USP4: variants seen among roughly 807,000 people sequenced by gnomAD.
The protein encoded by USP4 is ubiquitin carboxyl-terminal hydrolase 4.
In USP4, 72 loss-of-function variants were observed where a neutral mutation model predicts 118.2. The observed-to-expected ratio is 0.61, with a 90% CI of 0.50 to 0.74. USP4 has a LOEUF of 0.74. USP4 is among the 30% of genes least tolerant of loss of function. The pLI, the probability that USP4 is intolerant of heterozygous loss-of-function variation, is 0.00. For missense variants in USP4, 1,037 were observed against 1,185.7 expected, an observed-to-expected ratio of 0.87 and a Z score of 1.84; for synonymous variants, 415 against 440.4, an observed-to-expected ratio of 0.94 and a Z score of 0.72.
intron 20 of USP4, 148 bp downstream of exon 20, chr3:49,280,596 A>T: frequency 1.9e-6 from 1 of 513,270 alleles, no homozygotes; most frequent in Non-Finnish European, 3.4e-6. Flanking sequence ...AAAAAAACAG[A>T]GAGGGGAATC....
rs758676462 is a variant in USP4, at chr3:49,284,469, G to C, written c.2387C>G (p.Pro796Arg). The C allele has an allele frequency of 3.7e-6, 6 of 1,613,314 alleles. No individual in the cohort carries two copies. In the South Asian group the frequency reaches 6.6e-5, roughly 18 times the overall value. ...CAGACAGTGAGGAGCTGCGTACCAG[G>C]GGTCATGCTCCCCAAGGGTCTCCAT... ...TTMETLGEHD[P>R]WYCPNCKKHQ... The change falls in exon 18 of 22, where the codon CCC becomes CGC. Residue 796 changes from proline to arginine, a missense_variant. Pro to Arg is a moderately radical substitution (Grantham distance 103, BLOSUM62 -2). Transcript: ENST00000265560.
chr3:49,329,898 G>A (rs1203563518), intron 2 of USP4, among the ~76,000 whole-genome samples: 2 of 152,168 alleles, frequency 1.3e-5, no homozygotes, highest in East Asian at 1.9e-4. Flanking sequence ...CCAGCACTTC[G>A]GCAGGCTGAG....
At chr3:49,283,152 ACCACAGG>A (rs2047055395) in intron 19 of USP4, among the ~76,000 whole-genome samples, 1 of 148,752 alleles carries the variant, frequency 6.7e-6, no homozygotes, top group Non-Finnish European at 1.5e-5. Flanking sequence ...AGTAGCTGGG[ACCACAGG>A]TGTGCGCCAC....
chr3:49,322,234 G>A (rs965110924), intron 6 of USP4, among the ~76,000 whole-genome samples: 1 of 152,174 alleles, frequency 6.6e-6, no homozygotes, highest in African/African-American at 2.4e-5. Context: ...CCTGCTCTGT[G>A]TCTACCTTCT....
At position 49,339,971 on chromosome 3, in the gene USP4, G is replaced by A. The variant is rs767521556; in HGVS notation, c.54C>T (p.Ser18=). The A allele has an allele frequency of 3.1e-6, 5 of 1,612,678 alleles. No homozygotes were observed. The highest frequency in any genetic ancestry group is 4.2e-6 in the Non-Finnish European group (5 of 1,179,896). The part of the protein sequence containing the change: ...RERPDAETQK[S]ELGPLMRTTL... ...TGGTCCTCATTAAGGGTCCAAGCTC[G>A]GACTTCTGAGTCTCCGCATCCGGTC... is the stretch of plus-strand genomic sequence containing the variant. The change falls in exon 1 of 22, where the codon TCC becomes TCT. Residue 18 remains serine (S), a synonymous_variant. Coordinates refer to ENST00000265560, the MANE Select transcript of USP4 (RefSeq NM_003363.4).
chr3:49,286,756 T>TTCCA (rs975805458), intron 15 of USP4, among the ~76,000 whole-genome samples: 3 of 152,058 alleles, frequency 2.0e-5, no homozygotes, highest in African/African-American at 7.2e-5. Context: ...CATCCATTCC[T>TTCCA]TCCATCCATC....
Position 49,278,584 on chromosome 3 carries a change from G to C in USP4, c.2734-133C>G, listed in dbSNP as rs569275937. On this transcript the variant is annotated intron_variant, in intron 21 of 21. Transcript: ENST00000265560. ...AGAGGAGACCCTTCCACCTGAGGATGGCTGCCCCTGCCAGGCAGCAGGAAA... is the reference window on the plus strand; with the variant it reads ...AGAGGAGACCCTTCCACCTGAGGATCGCTGCCCCTGCCAGGCAGCAGGAAA... The C allele has an allele frequency of 3.6e-6, 4 of 1,116,858 alleles. No homozygotes were observed. In the African/African-American group the frequency reaches 4.7e-5, roughly 13 times the overall value. 69.2% of individuals were successfully genotyped at this position (1,116,858 alleles called of 1,614,324 possible). A position where few individuals can be genotyped will look rare whatever the true frequency, so the allele number is the denominator to read the frequency against.
At chr3:49,317,245 G>T in intron 6 of USP4, 1 of 1,541,010 alleles carries the variant, frequency 6.5e-7, no homozygotes. Flanking sequence ...ACTGCAAGAG[G>T]CAATCTTGCG....
chr3:49,325,178 C>T (rs899730966), intron 4 of USP4, 139 bp from the exon 5 acceptor site: 2 of 1,087,922 alleles, frequency 1.8e-6, no homozygotes, highest in African/African-American at 3.1e-5. Context: ...CTCTTAAAAT[C>T]AATCATCTCC....
intron 2 of USP4, among the ~76,000 whole-genome samples, chr3:49,334,892 A>G (rs1041273488): frequency 6.6e-6 from 1 of 152,212 alleles, no homozygotes; most frequent in Non-Finnish European, 1.5e-5. Context: ...GGCAAAAGAA[A>G]GCCTGGGAAA....
intron 1 of USP4, among the ~76,000 whole-genome samples, chr3:49,337,325 T>A (rs1466010197): frequency 2.0e-5 from 3 of 152,066 alleles, no homozygotes; most frequent in Admixed American, 2.0e-4. Context: ...AATATACACA[T>A]ACACATGTAC....
In USP4 at chr3:49,302,445, A is replaced by G; in HGVS notation, c.1226T>C (p.Leu409Pro). The G allele has an allele frequency of 6.2e-7, 1 of 1,614,210 alleles. No homozygotes were observed. The highest frequency in any genetic ancestry group is 8.5e-7 in the Non-Finnish European group (1 of 1,180,044). ...GTAGGGCTTTTTCTTTACCCGGTTC[A>G]GATCTTCATGCAATCCATCTAGAAG... ...AFLLDGLHED[L>P]NRVKKKPYLE... The change falls in exon 10 of 22, where the codon CTG becomes CCG. Residue 409 changes from leucine (L) to proline (P), a missense_variant. Transcript: ENST00000265560.
intron 17 of USP4, 57 bp from the exon 18 acceptor site, chr3:49,284,641 C>A: frequency 6.7e-7 from 1 of 1,498,374 alleles, no homozygotes; most frequent in Non-Finnish European, 9.3e-7. Context: ...TGCATTAAGA[C>A]ATGAAGGCCT....
intron 1 of USP4, among the ~76,000 whole-genome samples, chr3:49,337,760 T>G (rs1476393486): frequency 2.0e-5 from 3 of 150,428 alleles, no homozygotes; most frequent in African/African-American, 7.3e-5. Flanking sequence ...AAAGTATCAC[T>G]GTGCTGGCCG....
intron 8 of USP4, among the ~76,000 whole-genome samples, chr3:49,307,190 G>A (rs2047327702): frequency 1.3e-5 from 2 of 152,290 alleles, no homozygotes; most frequent in South Asian, 4.1e-4. Flanking sequence ...GTTCATACCT[G>A]TAATCCCAGC....
Position 49,317,241 on chromosome 3 carries a change from A to G in USP4, c.696-5587T>C, listed in dbSNP as rs750475930. 5 of 1,541,144 alleles carry G rather than the reference A, an allele frequency of 3.2e-6. No homozygotes were observed. The African/African-American group carries it at 5.4e-5, about 17-fold the overall frequency. On this transcript the variant is annotated intron_variant, in intron 6 of 21. Transcript: ENST00000265560. ...CGATGGTCTGGTAGAACTTACTGCA[A>G]GAGGCAATCTTGCGTGCCAGGTTCT...
intron 11 of USP4, among the ~76,000 whole-genome samples, chr3:49,299,638 C>T (rs372221995): frequency 3.9e-5 from 6 of 152,102 alleles, no homozygotes; most frequent in South Asian, 2.1e-4. Flanking sequence ...GTGATCTGCC[C>T]GCCTCGGCCT....
At chr3:49,327,888 T>C (rs991898422) in intron 2 of USP4, 72 bp from the exon 3 acceptor site, 55 of 1,426,100 alleles carry the variant, frequency 3.9e-5, no homozygotes, top group Non-Finnish European at 4.9e-5. Context: ...GATTTCCATG[T>C]ACTTTTCAGA....
chr3:49,321,321 A>G (rs2047497899), intron 6 of USP4, among the ~76,000 whole-genome samples: 1 of 152,084 alleles, frequency 6.6e-6, no homozygotes, highest in Admixed American at 6.6e-5. Flanking sequence ...TAAACTTACA[A>G]TTGTTCACCT....
Sources: allele counts gnomAD v4.1 joint callset (sites outside exome capture counted in the v4.1 genomes callset), GRCh38; gene constraint gnomAD v4.1.1; transcripts MANE v1.5; gene names NCBI Gene and HGNC (gene_info 2026-07-23, HGNC 2026-07-21).